The following TMCO4 variants were observed in gnomAD, a reference collection of about 807,000 sequenced individuals.
The protein encoded by TMCO4 is transmembrane and coiled-coil domains 4.
TMCO4 carries 58 observed loss-of-function variants against 64.7 expected under a neutral mutation model. The observed-to-expected ratio is 0.90, with a 90% confidence interval of 0.73 to 1.12. The LOEUF (loss-of-function observed/expected upper bound fraction) is 1.12. Among genes scored for constraint, TMCO4 ranks in the 50% most tolerant of loss-of-function variants. TMCO4 has a pLI of 0.00. For missense variants in TMCO4, 780 were observed against 825.9 expected, an observed-to-expected ratio of 0.94 and a Z score of 0.68; for synonymous variants, 325 against 346.1, an observed-to-expected ratio of 0.94 and a Z score of 0.68.
At position 19,699,842 on chromosome 1, in the gene TMCO4, G is replaced by C. The variant is rs115893514; in HGVS notation, c.1382+926C>G. Among the ~76,000 whole-genome samples, 418 of 152,272 alleles carry C rather than the reference G, an allele frequency of 2.7e-3. 3 individuals carry two copies. Among genetic ancestry groups the C allele is most frequent in the African/African-American group, 9.6e-3 (398 of 41,560 alleles). ...CACATGTACACATGGACAATCATGT[G>C]CACGAGCATGTACATACATGCAAAC... On this transcript the variant is annotated intron_variant, in intron 14 of 15. Transcript: ENST00000294543.
intron 6 of TMCO4, among the ~76,000 whole-genome samples, chr1:19,768,821 CG>C (rs199845116): frequency 0.029 from 4,304 of 149,898 alleles, 84 homozygotes; most frequent in Middle Eastern, 0.065. Flanking sequence ...CGGGTCTGGG[CG>C]GGGGCTGAGA....
intron 4 of TMCO4, among the ~76,000 whole-genome samples, chr1:19,779,709 C>T (rs931358948): frequency 1.3e-5 from 2 of 152,174 alleles, no homozygotes; most frequent in African/African-American, 4.8e-5. Context: ...GGGCCTTGCT[C>T]GTCTTTGTTT....
chr1:19,696,031 C>A (rs866096588), intron 14 of TMCO4, among the ~76,000 whole-genome samples: 1 of 152,112 alleles, frequency 6.6e-6, no homozygotes, highest in South Asian at 2.1e-4. Flanking sequence ...TGGATGAATG[C>A]GACGGCCTCT....
intron 7 of TMCO4, among the ~76,000 whole-genome samples, chr1:19,749,232 T>A (rs2041922820): frequency 6.6e-6 from 1 of 152,210 alleles, no homozygotes; most frequent in African/African-American, 2.4e-5. Context: ...TGTATCACGA[T>A]TCACCACATA....
chr1:19,771,506 T>A (rs775141603), intron 4 of TMCO4, 24 bp from the exon 5 acceptor site: 1 of 1,609,540 alleles, frequency 6.2e-7, no homozygotes, highest in East Asian at 2.2e-5. Flanking sequence ...ATGGCTTAGT[T>A]CTCCAGGATC....
rs2100492146 is a variant in TMCO4 at position 19,683,071 on chromosome 1, T to C, written c.1874A>G (p.Lys625Arg). Residue 625 changes from lysine to arginine, a missense_variant, in exon 16 of 16, where the codon AAG becomes AGG. Physicochemically the swap from Lys to Arg is conservative, Grantham distance 26. Transcript: ENST00000294543. The part of the protein sequence containing the change: ...NPLGCPDCAC[K>R]TQGPSTGLD The stretch of plus-strand genomic sequence containing the variant: ...CAGCCCCGTGCTGGGGCCCTGGGTC[T>C]TGCAGGCACAATCGGGGCAGCCCAG... 1 of 1,601,172 alleles carries C rather than the reference T, an allele frequency of 6.2e-7. No individual in the cohort carries two copies.
At chr1:19,725,171 T>A (rs998424415) in intron 13 of TMCO4, among the ~76,000 whole-genome samples, 1 of 152,178 alleles carries the variant, frequency 6.6e-6, no homozygotes, top group Non-Finnish European at 1.5e-5. Context: ...GATTGACTAA[T>A]GGACCCTAGG....
intron 3 of TMCO4, among the ~76,000 whole-genome samples, chr1:19,781,213 C>T (rs1189458986): frequency 2.0e-5 from 3 of 150,522 alleles, no homozygotes; most frequent in Non-Finnish European, 4.4e-5. Flanking sequence ...CTAATCCCAG[C>T]ACTTTTGGAA....
chr1:19,708,029 C>T (rs571582373), intron 13 of TMCO4, among the ~76,000 whole-genome samples: 1 of 152,094 alleles, frequency 6.6e-6, no homozygotes. Context: ...TTCAACACAG[C>T]GGGATTACAA....
At chr1:19,757,103 C>T (rs888776050) in intron 6 of TMCO4, among the ~76,000 whole-genome samples, 2 of 144,840 alleles carry the variant, frequency 1.4e-5, no homozygotes, top group South Asian at 2.2e-4. Context: ...CCAGCCTGGC[C>T]AACATGGTGA....
intron 13 of TMCO4, among the ~76,000 whole-genome samples, chr1:19,710,041 A>C (rs1354139750): frequency 2.0e-5 from 3 of 151,866 alleles, no homozygotes; most frequent in African/African-American, 4.8e-5. Flanking sequence ...TCAGCCTCCC[A>C]AAGTGCTAGG....
chr1:19,766,169 T>TC (rs2042727655), intron 6 of TMCO4, among the ~76,000 whole-genome samples: 1 of 152,198 alleles, frequency 6.6e-6, no homozygotes, highest in Non-Finnish European at 1.5e-5. Flanking sequence ...CCTCCTTTTT[T>TC]CCCTCCATCC....
chr1:19,792,988 C>A (rs1223465402), intron 2 of TMCO4, among the ~76,000 whole-genome samples: 1 of 152,030 alleles, frequency 6.6e-6, no homozygotes, highest in African/African-American at 2.4e-5. Flanking sequence ...CCAGGCTGGT[C>A]TTGAACACCT....
intron 4 of TMCO4, among the ~76,000 whole-genome samples, chr1:19,776,677 T>C (rs1479667972): frequency 6.6e-6 from 1 of 152,140 alleles, no homozygotes; most frequent in Non-Finnish European, 1.5e-5. Flanking sequence ...GAAACAGTAA[T>C]TCCCCAGCCC....
intron 6 of TMCO4, among the ~76,000 whole-genome samples, chr1:19,767,593 G>A (rs908487494): frequency 2.6e-5 from 4 of 152,280 alleles, no homozygotes; most frequent in Non-Finnish European, 5.9e-5. Context: ...GGATGCATAT[G>A]ACTCTCTCTG....
intron 13 of TMCO4, among the ~76,000 whole-genome samples, chr1:19,727,580 A>G (rs1189192283): frequency 1.3e-5 from 2 of 152,248 alleles, no homozygotes; most frequent in Non-Finnish European, 2.9e-5. Flanking sequence ...TTCTCTCTTT[A>G]GAAGGTCTCA....
intron 13 of TMCO4, among the ~76,000 whole-genome samples, chr1:19,719,428 A>G (rs2095371433): frequency 1.3e-5 from 2 of 152,202 alleles, no homozygotes; most frequent in African/African-American, 4.8e-5. Flanking sequence ...GTTCAGTTAC[A>G]GCACTGGGTA....
chr1:19,750,640 G>A (rs1385903604), intron 7 of TMCO4, among the ~76,000 whole-genome samples: 1 of 152,088 alleles, frequency 6.6e-6, no homozygotes, highest in African/African-American at 2.4e-5. Context: ...TGACACTTAC[G>A]CCCTCTGTGT....
chr1:19,720,005 A>ATTTTT (rs56755114), intron 13 of TMCO4, among the ~76,000 whole-genome samples: 38 of 116,928 alleles, frequency 3.2e-4, no homozygotes, highest in Non-Finnish European at 5.2e-4. Context: ...AAGGAAAATA[A>ATTTTT]TTTTTTTTTT....
Sources: gnomAD v4.1 joint callset for allele counts (sites outside exome capture counted in the v4.1 genomes callset) on GRCh38, gnomAD v4.1.1 for gene constraint, MANE v1.5 for transcripts, NCBI Gene and HGNC (gene_info 2026-07-23, HGNC 2026-07-21) for gene names.